GPR26: variants seen among roughly 807,000 people sequenced by gnomAD.
The protein encoded by GPR26 is G protein-coupled receptor 26.
In GPR26, 15 loss-of-function variants were observed where a neutral mutation model predicts 23.1. That is an observed-to-expected ratio of 0.65 (90% CI 0.43 to 1.00). The LOEUF (loss-of-function observed/expected upper bound fraction) is 1.00. GPR26 is among the 50% of genes least tolerant of loss of function. GPR26 has a pLI of 0.00. For synonymous variants in GPR26, 228 were observed against 222.1 expected (o/e 1.03, Z -0.24); for missense variants, 359 against 470.5 (o/e 0.76, Z 2.19).
At chr10:123,683,002 GTGTA>G (rs1316776548) in intron 2 of GPR26, among the ~76,000 whole-genome samples, 2 of 151,276 alleles carry the variant, frequency 1.3e-5, no homozygotes, top group South Asian at 2.1e-4. Context: ...ATGTATACAT[GTGTA>G]TGTATGTATG....
intron 2 of GPR26, among the ~76,000 whole-genome samples, chr10:123,683,400 T>C (rs1315750707): frequency 2.0e-5 from 3 of 152,240 alleles, no homozygotes; most frequent in East Asian, 3.8e-4. Flanking sequence ...ACAGAGCCCC[T>C]GGGGGCCCAC....
intron 2 of GPR26, among the ~76,000 whole-genome samples, chr10:123,682,367 C>T (rs1424535636): frequency 1.3e-5 from 2 of 152,286 alleles, no homozygotes; most frequent in Non-Finnish European, 2.9e-5. Flanking sequence ...GCCAAAGAGC[C>T]GCCTGCACTT....
chr10:123,671,957 C>T (rs562891262), intron 1 of GPR26, among the ~76,000 whole-genome samples: 2 of 152,192 alleles, frequency 1.3e-5, no homozygotes, highest in African/African-American at 2.4e-5. Context: ...GTTCTGGGAG[C>T]GGGTGAGCTG....
Position 123,667,029 on chromosome 10 carries a change from G to C in GPR26, c.622G>C (p.Val208Leu). The C allele has an allele frequency of 2.5e-6, 4 of 1,608,622 alleles. No individual in the cohort carries two copies. The highest frequency in any genetic ancestry group is 3.4e-6 in the Non-Finnish European group (4 of 1,177,702). The change falls in exon 1 of 3, where the codon GTG (valine) becomes CTG (leucine). Residue 208 changes from valine to leucine, a missense_variant. Physicochemically the swap from Val to Leu is conservative, Grantham distance 32. Coordinates refer to ENST00000284674, the MANE Select transcript of GPR26 (RefSeq NM_153442.4). ...VARFHCKRID[V>L]ITMQTLVLLV... ...CCGCTTCCATTGCAAGCGCATCGAC[G>C]TGATCACCATGCAGACGCTGGTGCT... is the stretch of plus-strand genomic sequence containing the variant.
chr10:123,666,594 A>T lies in GPR26; in HGVS notation c.187A>T (p.Thr63Ser). The part of the protein sequence containing the change: ...LLCTVVNMPL[T>S]LAGVVAQRQP... ...GTGCACCGTGGTCAACATGCCGCTC[A>T]CGCTGGCCGGCGTCGTGGCGCAGCG... The change falls in exon 1 of 3, where the codon ACG becomes TCG. Residue 63 changes from threonine to serine, a missense_variant. Physicochemically the swap from Thr to Ser is moderately conservative, Grantham distance 58. Transcript: ENST00000284674. The T allele has an allele frequency of 6.3e-7, 1 of 1,594,734 alleles. No individual in the cohort carries two copies. Among genetic ancestry groups the T allele is most frequent in the Non-Finnish European group, 8.5e-7 (1 of 1,172,888 alleles).
At chr10:123,667,098 T>C (rs1845196183) in intron 1 of GPR26, 23 bp downstream of exon 1, 5 of 1,536,046 alleles carry the variant, frequency 3.3e-6, no homozygotes, top group Non-Finnish European at 4.4e-6. Context: ...CAGCTAAGGC[T>C]CTGGGAACAG....
At position 123,697,269 on chromosome 10, in the gene GPR26, C is replaced by T. The variant is rs1227207302; in HGVS notation, c.*9109C>T. Among the ~76,000 whole-genome samples, 3 of 152,168 alleles carry T rather than the reference C, an allele frequency of 2.0e-5. No homozygotes were observed. Among genetic ancestry groups the T allele is most frequent in the African/African-American group, 7.2e-5 (3 of 41,434 alleles). ...GAATCCAAGGCCAATGCTGCCTGCT[C>T]TGTTTACAATGGTTTGTGTTTTGTG... On this transcript the variant is annotated 3_prime_UTR_variant, in exon 3 of 3. Transcript: ENST00000284674.
chr10:123,673,232 T>C (rs1299764574), intron 1 of GPR26, among the ~76,000 whole-genome samples: 1 of 152,230 alleles, frequency 6.6e-6, no homozygotes, highest in Non-Finnish European at 1.5e-5. Flanking sequence ...CAGTCTAAAC[T>C]AATGTGAAAT....
At chr10:123,675,799 T>TGTGTGTGTGTGTGTGTGTGTGTAC (rs1491276587) in intron 2 of GPR26, among the ~76,000 whole-genome samples, 5 of 3,020 alleles carry the variant, frequency 1.7e-3, no homozygotes, top group Middle Eastern at 0.17. Context: ...CAGGGTTTTC[T>TGTGTGTGTGTGTGTGTGTGTGTAC]GTGTGTGTGT....
At chr10:123,686,900 A>G (rs1180973948) in intron 2 of GPR26, among the ~76,000 whole-genome samples, 1 of 152,112 alleles carries the variant, frequency 6.6e-6, no homozygotes, top group Non-Finnish European at 1.5e-5. Flanking sequence ...ACAGTGTTAT[A>G]TGATCTCCAG....
rs1468084521 is a variant in GPR26, at chr10:123,690,922, T to C, written c.*2762T>C. On this transcript the variant is annotated 3_prime_UTR_variant, in exon 3 of 3. Coordinates refer to ENST00000284674, the MANE Select transcript of GPR26 (RefSeq NM_153442.4). ...ATCAAACTAAAATTACTTGCTTGACTTCACTCCAGGGTGAGACTTGACCTT... is the reference window on the plus strand; with the variant it reads ...ATCAAACTAAAATTACTTGCTTGACCTCACTCCAGGGTGAGACTTGACCTT... 2.0e-5 allele frequency: 3 copies of C among 152,326 alleles called. No homozygotes were observed. The highest frequency in any genetic ancestry group is 2.0e-4 in the Admixed American group (3 of 15,304). The allele number at this position is 152,326 out of a possible 1,614,324, so 9.4% of individuals were successfully genotyped here. A position where few individuals can be genotyped will look rare whatever the true frequency, so the allele number is the denominator to read the frequency against.
chr10:123,686,696 G>C (rs1845433643), intron 2 of GPR26, among the ~76,000 whole-genome samples: 7 of 152,126 alleles, frequency 4.6e-5, no homozygotes, highest in Admixed American at 4.6e-4. Flanking sequence ...TCCTCACCTG[G>C]CCAGATCCCC....
chr10:123,690,118 T>C lies in GPR26; in HGVS notation c.*1958T>C, dbSNP rs1387520509. On this transcript the variant is annotated 3_prime_UTR_variant, in exon 3 of 3. Transcript: ENST00000284674. Reference sequence around the variant, plus strand: ...GTGTGTGTCCCTGAAACAAAATTGCTCTGGCTCAGAGCTCCTTTGGCCACT... The same window carrying C: ...GTGTGTGTCCCTGAAACAAAATTGCCCTGGCTCAGAGCTCCTTTGGCCACT... The C allele has an allele frequency of 2.0e-5, 3 of 152,094 alleles. No individual in the cohort carries two copies. The highest frequency in any genetic ancestry group is 4.4e-5 in the Non-Finnish European group (3 of 68,030). 9.4% of individuals were successfully genotyped at this position (152,094 alleles called of 1,614,324 possible).
chr10:123,666,421 A>G lies in GPR26; in HGVS notation c.14A>G (p.Asp5Gly). MNSW[D>G]AGLAGLLVGT... ...GGGGCGCGCACCATGAACTCGTGGGACGCGGGCCTGGCGGGGCTACTGGTG... is the reference window on the plus strand; with the variant it reads ...GGGGCGCGCACCATGAACTCGTGGGGCGCGGGCCTGGCGGGGCTACTGGTG... Residue 5 changes from aspartate to glycine, a missense_variant, in exon 1 of 3, where the codon GAC becomes GGC. Physicochemically the swap from Asp to Gly is moderately conservative, Grantham distance 94. Transcript: ENST00000284674. 1 of 1,510,088 alleles carries G rather than the reference A, an allele frequency of 6.6e-7. No homozygotes were observed. Among genetic ancestry groups the G allele is most frequent in the Non-Finnish European group, 8.8e-7 (1 of 1,138,894 alleles). The allele number at this position is 1,510,088 out of a possible 1,614,324, so 93.5% of individuals were successfully genotyped here.
At chr10:123,680,824 TTTTGG>T (rs1400316594) in intron 2 of GPR26, among the ~76,000 whole-genome samples, 1 of 118,558 alleles carries the variant, frequency 8.4e-6, no homozygotes, top group Non-Finnish European at 1.8e-5. Context: ...TGTTTTGTTT[TTTTGG>T]GGGGGGGGGT....
Position 123,666,829 on chromosome 10 carries a change from C to G in GPR26, c.422C>G (p.Ala141Gly). Residue 141 changes from alanine to glycine, a missense_variant, in exon 1 of 3, where the codon GCG becomes GGG. By Grantham distance (60) the Ala-to-Gly change is moderately conservative. Transcript: ENST00000284674. ...WLHALTFPAA[A>G]LALSWLGFHQ... is the part of the protein sequence containing the mutation. Reference sequence around the variant, plus strand: ...CACGCGCTCACCTTCCCAGCCGCCGCGCTCGCCCTGTCCTGGCTCGGCTTC... The same window carrying G: ...CACGCGCTCACCTTCCCAGCCGCCGGGCTCGCCCTGTCCTGGCTCGGCTTC... 1 of 1,609,772 alleles carries G rather than the reference C, an allele frequency of 6.2e-7. No individual in the cohort carries two copies. The highest frequency in any genetic ancestry group is 8.5e-7 in the Non-Finnish European group (1 of 1,178,406).
chr10:123,696,909 G>A lies in GPR26; in HGVS notation c.*8749G>A, dbSNP rs1035199801. On this transcript the variant is annotated 3_prime_UTR_variant, in exon 3 of 3. Transcript: ENST00000284674. The stretch of plus-strand genomic sequence containing the variant: ...TATGCATACGGGTGAATGTTTGTGT[G>A]CCCATGAGTATATGCATATGGGTAT... Among the ~76,000 whole-genome samples, 5 of 151,910 alleles carry A rather than the reference G, an allele frequency of 3.3e-5. No individual in the cohort carries two copies. Among genetic ancestry groups the A allele is most frequent in the Non-Finnish European group, 5.9e-5 (4 of 67,996 alleles).
At chr10:123,671,081 TA>T (rs1191502419) in intron 1 of GPR26, among the ~76,000 whole-genome samples, 4 of 152,170 alleles carry the variant, frequency 2.6e-5, no homozygotes, top group South Asian at 4.2e-4. Flanking sequence ...TCCCTTGCCT[TA>T]AAAGCCAGAA....
chr10:123,693,367 A>T lies in GPR26; in HGVS notation c.*5207A>T, dbSNP rs1845509785. On this transcript the variant is annotated 3_prime_UTR_variant, in exon 3 of 3. Coordinates refer to ENST00000284674, the MANE Select transcript of GPR26 (RefSeq NM_153442.4). The stretch of plus-strand genomic sequence containing the variant: ...GCCCCCAGGAGCATCAGTAGGACCC[A>T]GCATTTCCCCTGGCACCAAAGTGGA... 6.6e-6 allele frequency: 1 copy of T among 152,304 alleles called. No individual in the cohort carries two copies. Among genetic ancestry groups the T allele is most frequent in the Admixed American group, 6.5e-5 (1 of 15,284 alleles). The allele number at this position is 152,304 out of a possible 1,614,324, so 9.4% of individuals were successfully genotyped here.
Sources: gnomAD v4.1 joint callset for allele counts (sites outside exome capture counted in the v4.1 genomes callset) on GRCh38, gnomAD v4.1.1 for gene constraint, MANE v1.5 for transcripts, NCBI Gene and HGNC (gene_info 2026-07-23, HGNC 2026-07-21) for gene names.